Variants in GRIN2B observed in about 807,000 individuals in gnomAD.
The protein encoded by GRIN2B is glutamate ionotropic receptor NMDA type subunit 2B.
In GRIN2B, 5 loss-of-function variants were observed where a neutral mutation model predicts 114.5. The ratio of observed to expected loss-of-function variants is 0.04; its 90% CI spans 0.02 to 0.09. The LOEUF is 0.09. Among genes scored for constraint, GRIN2B ranks in the 10% least tolerant of loss-of-function variants. The pLI is 1.00. For missense variants in GRIN2B, 1,108 were observed against 1,943.5 expected, an observed-to-expected ratio of 0.57 and a Z score of 8.08; for synonymous variants, 787 against 745.1, an observed-to-expected ratio of 1.06 and a Z score of -0.92.
rs371671882 is a variant in GRIN2B at position 13,845,800 on chromosome 12, T to C, written c.411+19998A>G. Among the ~76,000 whole-genome samples, 6 of 152,314 alleles carry C rather than the reference T, an allele frequency of 3.9e-5. No homozygotes were observed. In the East Asian group the frequency reaches 7.7e-4, roughly 20 times the overall value. ...GCCTTATTAGGAATTCCCTTTCCTT[T>C]CCCTACTGCATGTAAAGAGCTTCAA... On this transcript the variant is annotated intron_variant, in intron 3 of 13. Coordinates refer to ENST00000609686, the MANE Select transcript of GRIN2B (RefSeq NM_000834.5).
chr12:13,870,921 G>T (rs1332397568), intron 2 of GRIN2B, among the ~76,000 whole-genome samples: 1 of 152,142 alleles, frequency 6.6e-6, no homozygotes. Context: ...GGTCAAAGTG[G>T]TAGTATCTAT....
chr12:13,799,209 C>T (rs926738128), intron 3 of GRIN2B, among the ~76,000 whole-genome samples: 1 of 152,182 alleles, frequency 6.6e-6, no homozygotes, highest in African/African-American at 2.4e-5. Flanking sequence ...ACTGATGTAA[C>T]TGACACTAAT....
At chr12:13,776,795 C>A (rs1208305982) in intron 3 of GRIN2B, among the ~76,000 whole-genome samples, 1 of 152,092 alleles carries the variant, frequency 6.6e-6, no homozygotes, top group Non-Finnish European at 1.5e-5. Context: ...GTGAGAGGAA[C>A]ATGATTATCA....
At chr12:13,802,430 T>C (rs1864532132) in intron 3 of GRIN2B, among the ~76,000 whole-genome samples, 1 of 152,158 alleles carries the variant, frequency 6.6e-6, no homozygotes, top group South Asian at 2.1e-4. Context: ...CACAAGATGT[T>C]GGTACTATTT....
At chr12:13,729,906 A>C (rs1156297248) in intron 4 of GRIN2B, among the ~76,000 whole-genome samples, 1 of 151,988 alleles carries the variant, frequency 6.6e-6, no homozygotes, top group Non-Finnish European at 1.5e-5. Context: ...CCGCCCCCAG[A>C]AACAAAATGC....
chr12:13,749,001 G>C (rs138417755), intron 4 of GRIN2B, among the ~76,000 whole-genome samples: 53 of 152,246 alleles, frequency 3.5e-4, no homozygotes, highest in African/African-American at 1.3e-3. Context: ...CCTCCTCCAG[G>C]CAACCCAGAA....
intron 10 of GRIN2B, among the ~76,000 whole-genome samples, chr12:13,594,057 G>T (rs996915183): frequency 6.6e-6 from 1 of 152,030 alleles, no homozygotes; most frequent in Admixed American, 6.6e-5. Flanking sequence ...GAAATAGGAA[G>T]GCTTTTACAC....
rs1437961533 is a variant in GRIN2B, at chr12:13,561,817, C to T, written c.*966G>A. On this transcript the variant is annotated 3_prime_UTR_variant, in exon 14 of 14. Coordinates refer to ENST00000609686, the MANE Select transcript of GRIN2B (RefSeq NM_000834.5). ...TTGTTCTTGCAGGATTGCTCACCGC[C>T]TTTTTTTGTTTAGACCACAGAATCT... 6.5e-6 allele frequency: 1 copy of T among 152,700 alleles called. No homozygotes were observed. The highest frequency in any genetic ancestry group is 1.5e-5 in the Non-Finnish European group (1 of 68,018). The allele number at this position is 152,700 out of a possible 1,614,324, so 9.5% of individuals were successfully genotyped here.
chr12:13,915,395 C>T (rs772162997), intron 2 of GRIN2B, among the ~76,000 whole-genome samples: 1 of 152,302 alleles, frequency 6.6e-6, no homozygotes, highest in South Asian at 2.1e-4. Flanking sequence ...CAACCCCTGG[C>T]CACAGGCAGG....
At chr12:13,567,455 A>G (rs1948655924) in intron 12 of GRIN2B, among the ~76,000 whole-genome samples, 192 bp from the exon 13 acceptor site, 1 of 152,272 alleles carries the variant, frequency 6.6e-6, no homozygotes, top group Non-Finnish European at 1.5e-5. Context: ...TAATTCATCA[A>G]CGTACTTAGT....
intron 3 of GRIN2B, among the ~76,000 whole-genome samples, chr12:13,765,914 T>C (rs543974828): frequency 1.1e-4 from 16 of 152,336 alleles, no homozygotes; most frequent in African/African-American, 3.6e-4. Flanking sequence ...GAACTGTCTA[T>C]ACATCCTTGT....
chr12:13,587,344 C>CTTTTTTTTTTTTTTTTTTTT (rs112925422), intron 10 of GRIN2B, among the ~76,000 whole-genome samples: 3 of 138,972 alleles, frequency 2.2e-5, no homozygotes, highest in Non-Finnish European at 1.6e-5. Flanking sequence ...CTTTTTATTT[C>CTTTTTTTTTTTTTTTTTTTT]TTTTTTTTTT....
chr12:13,728,862 A>T (rs935269708), intron 4 of GRIN2B, among the ~76,000 whole-genome samples: 5 of 152,156 alleles, frequency 3.3e-5, no homozygotes, highest in African/African-American at 1.2e-4. Flanking sequence ...TTTGATAATC[A>T]CTTTCTTACT....
Position 13,605,567 on chromosome 12 carries a change from A to T in GRIN2B, c.2010+3036T>A, listed in dbSNP as rs1231436293. 1.9e-3 allele frequency among the ~76,000 whole-genome samples: 265 copies of T among 136,802 alleles called. 2 individuals are homozygous for T. The highest frequency in any genetic ancestry group is 6.7e-3 in the African/African-American group (252 of 37,542). The allele number at this position is 136,802 out of a possible 152,430, so 89.7% of individuals were successfully genotyped here. The stretch of plus-strand genomic sequence containing the variant: ...CTCTCTCTCTGACACACACACACAC[A>T]CACACACACACACACACCTGTCTTC... On this transcript the variant is annotated intron_variant, in intron 10 of 13. Coordinates refer to ENST00000609686, the MANE Select transcript of GRIN2B (RefSeq NM_000834.5).
intron 2 of GRIN2B, among the ~76,000 whole-genome samples, chr12:13,871,881 C>T (rs1865915314): frequency 6.6e-6 from 1 of 151,846 alleles, no homozygotes. Flanking sequence ...GAATGTAGAA[C>T]ATTTGAATTA....
intron 3 of GRIN2B, among the ~76,000 whole-genome samples, chr12:13,798,487 T>C (rs1864454175): frequency 6.6e-6 from 1 of 152,178 alleles, no homozygotes; most frequent in African/African-American, 2.4e-5. Flanking sequence ...ATGTTCACCA[T>C]ATAGGGTAGT....
At position 13,551,897 on chromosome 12, in the gene GRIN2B, GAC is replaced by G. The variant is rs1161540611; in HGVS notation, c.*10884_*10885del. 7.2e-5 allele frequency: 11 copies of G among 152,074 alleles called. No homozygotes were observed. Among genetic ancestry groups the G allele is most frequent in the African/African-American group, 1.2e-4 (5 of 41,412 alleles). 9.4% of individuals were successfully genotyped at this position (152,074 alleles called of 1,614,324 possible). On this transcript the variant is annotated 3_prime_UTR_variant, in exon 14 of 14. Transcript: ENST00000609686. ...AGAAAATCAATTACAATTAAAATGT[GAC>G]AATGACAGTTAACTGCAAGACTGTT...
At chr12:13,620,994 C>T (rs1357832232) in intron 5 of GRIN2B, among the ~76,000 whole-genome samples, 1 of 148,094 alleles carries the variant, frequency 6.8e-6, no homozygotes, top group Admixed American at 6.8e-5. Flanking sequence ...TTCCAACAAA[C>T]AGGGTTCATG....
chr12:13,657,268 G>A (rs1390812861), intron 5 of GRIN2B, among the ~76,000 whole-genome samples: 1 of 152,218 alleles, frequency 6.6e-6, no homozygotes, highest in Non-Finnish European at 1.5e-5. Flanking sequence ...GGGAATTGGG[G>A]ATATTCCAAG....
Sources: gnomAD v4.1 joint callset for allele counts (sites outside exome capture counted in the v4.1 genomes callset) on GRCh38, gnomAD v4.1.1 for gene constraint, MANE v1.5 for transcripts, NCBI Gene and HGNC (gene_info 2026-07-23, HGNC 2026-07-21) for gene names.